CSAD: variants seen among roughly 807,000 people sequenced by gnomAD.
The protein encoded by CSAD is P-selectin cytoplasmic tail-associated protein.
Under a neutral mutation model 61.5 loss-of-function variants are expected in CSAD, and 47 were observed. That is an observed-to-expected ratio of 0.76 (90% CI 0.60 to 0.97). The LOEUF is 0.97. Among genes scored for constraint, CSAD ranks in the 50% least tolerant of loss-of-function variants. The pLI, the probability that CSAD is intolerant of heterozygous loss-of-function variation, is 0.00. For missense variants in CSAD, 611 were observed against 643.6 expected (o/e 0.95, Z 0.55); for synonymous variants, 245 against 252.7 (o/e 0.97, Z 0.29).
rs552921804 is a variant in CSAD at position 53,170,412 on chromosome 12, A to G, written c.647+11T>C. On this transcript the variant is annotated intron_variant, in intron 9 of 16. Transcript: ENST00000444623. Reference sequence around the variant, plus strand: ...GCTAGGTCACAGCCATGTGGGCAGAAGGACCTTCACCTCTCATCAGCCTTG... The same window carrying G: ...GCTAGGTCACAGCCATGTGGGCAGAGGGACCTTCACCTCTCATCAGCCTTG... 5.0e-6 allele frequency: 8 copies of G among 1,612,688 alleles called. No homozygotes were observed. Among genetic ancestry groups the G allele is most frequent in the Non-Finnish European group, 6.8e-6 (8 of 1,178,652 alleles).
chr12:53,177,229 G>A (rs1941175429), intron 2 of CSAD, among the ~76,000 whole-genome samples: 1 of 152,134 alleles, frequency 6.6e-6, no homozygotes, highest in Admixed American at 6.5e-5. Context: ...AGGCTTTAGG[G>A]TGGCCAGGAG....
Position 53,159,015 on chromosome 12 carries a change from G to C in CSAD, c.1309-331C>G, listed in dbSNP as rs1938914693. Among the ~76,000 whole-genome samples, 3 of 152,254 alleles carry C rather than the reference G, an allele frequency of 2.0e-5. No homozygotes were observed. In the South Asian group the frequency reaches 6.2e-4, roughly 32 times the overall value. On this transcript the variant is annotated intron_variant, in intron 16 of 16. Coordinates refer to ENST00000444623, the MANE Select transcript of CSAD (RefSeq NM_001244705.2). The stretch of plus-strand genomic sequence containing the variant: ...TCAAGCCTTGGTCATCTAAGCCTTA[G>C]TCAACACCTTCTTCTCCCCTCTCTT...
intron 10 of CSAD, among the ~76,000 whole-genome samples, chr12:53,163,330 C>G (rs55762123): frequency 0.034 from 5,128 of 152,190 alleles, 290 homozygotes; most frequent in African/African-American, 0.12. Flanking sequence ...CCTGATCGTG[C>G]CACTGCACTC....
chr12:53,161,279 A>G lies in CSAD; in HGVS notation c.813T>C (p.His271=), dbSNP rs1292687288. ...DVCQRHGLWL[H]VDAAWGGSVL... ...AAGCCGAAGTCCCACTCACATCCACATGCAGCCATAGCCCATGACGCTGGC... is the reference window on the plus strand; with the variant it reads ...AAGCCGAAGTCCCACTCACATCCACGTGCAGCCATAGCCCATGACGCTGGC... The change falls in exon 11 of 17, where the codon CAT becomes CAC. Residue 271 remains histidine, a synonymous_variant. Coordinates refer to ENST00000444623, the MANE Select transcript of CSAD (RefSeq NM_001244705.2). The G allele has an allele frequency of 1.9e-6, 3 of 1,614,004 alleles. No individual in the cohort carries two copies. Among genetic ancestry groups the G allele is most frequent in the East Asian group, 4.5e-5 (2 of 44,846 alleles).
At position 53,171,310 on chromosome 12, in the gene CSAD, T is replaced by G. The variant is rs760961456; in HGVS notation, c.567+16A>C. Reference sequence around the variant, plus strand: ...AGAATCAGGAGCCCAGGGTTGGGCCTGTGCCTCTTCCCCACCTCCTTCGAT... The same window carrying G: ...AGAATCAGGAGCCCAGGGTTGGGCCGGTGCCTCTTCCCCACCTCCTTCGAT... On this transcript the variant is annotated intron_variant, in intron 8 of 16. Coordinates refer to ENST00000444623, the MANE Select transcript of CSAD (RefSeq NM_001244705.2). The G allele has an allele frequency of 6.2e-7, 1 of 1,613,762 alleles. No homozygotes were observed. The highest frequency in any genetic ancestry group is 2.2e-5 in the East Asian group (1 of 44,888).
At chr12:53,171,849 G>A (rs200010721) in intron 7 of CSAD, 33 bp downstream of exon 7, 11 of 1,405,798 alleles carry the variant, frequency 7.8e-6, no homozygotes, top group South Asian at 7.0e-5. Flanking sequence ...CTCATAAAAA[G>A]GGCAAAGAAA....
Position 53,159,673 on chromosome 12 carries a change from T to TG in CSAD, c.1257dup (p.Ser420GlnfsTer59). ...GGACTCTCCTGCTTCCCTCGCAGGCTGGGGGGTACGAACCAGAAACACACA... is the reference window on the plus strand; with the variant it reads ...GGACTCTCCTGCTTCCCTCGCAGGCTGGGGGGGTACGAACCAGAAACACACA... On this transcript the variant is annotated frameshift_variant, in exon 16 of 17. Coordinates refer to ENST00000444623, the MANE Select transcript of CSAD (RefSeq NM_001244705.2). LOFTEE classifies it high-confidence loss of function. 2 of 1,611,694 alleles carry TG rather than the reference T, an allele frequency of 1.2e-6. No individual in the cohort carries two copies. Among genetic ancestry groups the TG allele is most frequent in the Non-Finnish European group, 1.7e-6 (2 of 1,178,990 alleles).
chr12:53,173,959 A>T lies in CSAD; in HGVS notation c.-49-189T>A, dbSNP rs1234562670. On this transcript the variant is annotated intron_variant, in intron 2 of 16. Transcript: ENST00000444623. ...TCCCCTTCCCCGACCCCTGGCAACT[A>T]CTAATCTACTTTGTTTCTGTAGATT... 4.9e-6 allele frequency: 3 copies of T among 610,654 alleles called. No homozygotes were observed. In the African/African-American group the frequency reaches 5.6e-5, roughly 11 times the overall value. The allele number at this position is 610,654 out of a possible 1,614,324, so 37.8% of individuals were successfully genotyped here. A position where few individuals can be genotyped will look rare whatever the true frequency, so the allele number is the denominator to read the frequency against.
intron 10 of CSAD, among the ~76,000 whole-genome samples, 191 bp downstream of exon 10, chr12:53,169,881 G>A (rs1032641782): frequency 3.3e-5 from 5 of 152,270 alleles, no homozygotes; most frequent in South Asian, 4.1e-4. Context: ...CCAACCCGGC[G>A]TAGGTGTCTG....
At chr12:53,180,663 C>G (rs980827483) in intron 1 of CSAD, 69 bp downstream of exon 1, 196 of 1,280,750 alleles carry the variant, frequency 1.5e-4, no homozygotes, top group Non-Finnish European at 1.9e-4. Context: ...AGCCGCTCGG[C>G]GGAGAGGACG....
intron 10 of CSAD, chr12:53,164,811 C>A (rs567955387): frequency 6.6e-6 from 1 of 152,242 alleles, no homozygotes; most frequent in East Asian, 1.9e-4. Context: ...GGACTTGCAT[C>A]TAGAATATAT....
chr12:53,179,619 A>G (rs897188455), intron 1 of CSAD: 3 of 644,028 alleles, frequency 4.7e-6, no homozygotes, highest in Non-Finnish European at 8.1e-6. Flanking sequence ...CAAAAAACGT[A>G]CTTTCAATGG....
intron 10 of CSAD, 32 bp downstream of exon 10, chr12:53,170,040 C>T: frequency 2.5e-6 from 4 of 1,593,646 alleles, no homozygotes; most frequent in Non-Finnish European, 2.6e-6. Context: ...CAGTTGGAGG[C>T]TATATCACCC....
Position 53,158,322 on chromosome 12 carries a change from G to C in CSAD, c.*189C>G. 2.1e-6 allele frequency: 1 copy of C among 467,692 alleles called. No individual in the cohort carries two copies. The highest frequency in any genetic ancestry group is 3.8e-5 in the Admixed American group (1 of 26,322). The allele number at this position is 467,692 out of a possible 1,614,324, so 29.0% of individuals were successfully genotyped here. On this transcript the variant is annotated 3_prime_UTR_variant, in exon 17 of 17. Transcript: ENST00000444623. ...GGCTAATTTTTGTATTTTTAGTAGA[G>C]ACAGGGTTTCACCTTATTGGCCAGG...
At chr12:53,180,136 G>C in intron 1 of CSAD, 1 of 1,268,208 alleles carries the variant, frequency 7.9e-7, no homozygotes, top group Admixed American at 4.0e-5. Context: ...CTCAAGGAAC[G>C]CCTCTGCGAG....
intron 9 of CSAD, 87 bp downstream of exon 9, chr12:53,170,336 T>C (rs945704579): frequency 2.4e-6 from 3 of 1,243,518 alleles, no homozygotes; most frequent in Admixed American, 1.7e-5. Flanking sequence ...CCACCAGCGG[T>C]AAGGGTCTGA....
At chr12:53,161,524 C>T (rs1267190761) in intron 10 of CSAD, 135 bp from the exon 11 acceptor site, 1 of 671,934 alleles carries the variant, frequency 1.5e-6, no homozygotes, top group East Asian at 2.6e-5. Context: ...GTGTTACTGT[C>T]CTTTTTAATG....
chr12:53,179,052 C>T (rs1171124046), intron 2 of CSAD, 50 bp downstream of exon 2: 1 of 152,214 alleles, frequency 6.6e-6, no homozygotes, highest in Non-Finnish European at 1.5e-5. Flanking sequence ...GCGGTTTCTC[C>T]ATGTTGGTCA....
Position 53,180,908 on chromosome 12 carries a change from G to T in CSAD, c.-267C>A. 8.8e-7 allele frequency: 1 copy of T among 1,131,266 alleles called. No individual in the cohort carries two copies. The highest frequency in any genetic ancestry group is 1.1e-6 in the Non-Finnish European group (1 of 905,134). 70.1% of individuals were successfully genotyped at this position (1,131,266 alleles called of 1,614,324 possible). A position where few individuals can be genotyped will look rare whatever the true frequency, so the allele number is the denominator to read the frequency against. ...AGCGCTTCAGTAGCTCGCAAGCCGT[G>T]GGGTGCCGCGCGGGAAGGGGGAGGG... On this transcript the variant is annotated 5_prime_UTR_variant, in exon 1 of 17. Transcript: ENST00000444623.
Sources: allele counts gnomAD v4.1 joint callset (sites outside exome capture counted in the v4.1 genomes callset), GRCh38; gene constraint gnomAD v4.1.1; transcripts MANE v1.5; gene names NCBI Gene and HGNC (gene_info 2026-07-23, HGNC 2026-07-21).